Variants in TTC39B observed in about 807,000 individuals in gnomAD.
The protein encoded by TTC39B is tetratricopeptide repeat domain 39B.
TTC39B carries 92 observed loss-of-function variants against 96.6 expected under a neutral mutation model. The observed-to-expected ratio is 0.95, with a 90% confidence interval of 0.80 to 1.13. The LOEUF (loss-of-function observed/expected upper bound fraction) is 1.13. Ranked by LOEUF, TTC39B falls within the 50% of genes most tolerant of loss-of-function variation. The probability of loss-of-function intolerance (pLI) is 0.00; values close to 1 mark genes in which losing one functional copy is unlikely to be tolerated. For synonymous variants in TTC39B, 367 were observed against 299.4 expected, an observed-to-expected ratio of 1.23 and a Z score of -2.33; for missense variants, 955 against 809.3, an observed-to-expected ratio of 1.18 and a Z score of -2.18.
intron 1 of TTC39B, among the ~76,000 whole-genome samples, chr9:15,271,836 T>C (rs189323797): frequency 5.6e-4 from 86 of 152,360 alleles, no homozygotes; most frequent in African/African-American, 1.9e-3. Flanking sequence ...GGTTTCCTAA[T>C]TGGTGGATGA....
intron 2 of TTC39B, among the ~76,000 whole-genome samples, chr9:15,237,188 G>A (rs552989470): frequency 8.5e-5 from 13 of 152,156 alleles, no homozygotes; most frequent in Non-Finnish European, 1.8e-4. Context: ...AGTGGTGCAT[G>A]CCTGTAGCCC....
intron 2 of TTC39B, among the ~76,000 whole-genome samples, chr9:15,231,717 T>G (rs775884763): frequency 2.0e-5 from 3 of 152,218 alleles, no homozygotes; most frequent in Non-Finnish European, 4.4e-5. Context: ...ACACAATATG[T>G]TATGTTCCTG....
chr9:15,299,329 C>T (rs1014486797), intron 1 of TTC39B, among the ~76,000 whole-genome samples: 13 of 152,148 alleles, frequency 8.5e-5, no homozygotes, highest in Non-Finnish European at 1.9e-4. Flanking sequence ...CAGATCACAA[C>T]AAAAAGCATT....
intron 1 of TTC39B, among the ~76,000 whole-genome samples, chr9:15,303,324 CTG>C (rs1308018345): frequency 3.3e-5 from 5 of 151,766 alleles, no homozygotes; most frequent in Middle Eastern, 3.2e-3. Flanking sequence ...ACATTCAAAA[CTG>C]TTATTTTCCA....
intron 2 of TTC39B, among the ~76,000 whole-genome samples, chr9:15,244,366 C>T (rs552216273): frequency 3.3e-5 from 5 of 152,348 alleles, no homozygotes; most frequent in South Asian, 4.1e-4. Context: ...GTCCTAGGTA[C>T]GCCAGTCACT....
At chr9:15,270,407 A>G (rs953541974) in intron 1 of TTC39B, among the ~76,000 whole-genome samples, 2 of 150,120 alleles carry the variant, frequency 1.3e-5, no homozygotes, top group Non-Finnish European at 2.9e-5. Flanking sequence ...CTCCCTCTGC[A>G]CTTACCAACA....
chr9:15,236,430 A>G (rs1045836480), intron 2 of TTC39B, among the ~76,000 whole-genome samples: 1 of 152,234 alleles, frequency 6.6e-6, no homozygotes, highest in Admixed American at 6.5e-5. Flanking sequence ...CAGAAAATCA[A>G]CAAAGAAACT....
Position 15,306,427 on chromosome 9 carries a change from GCCA to G in TTC39B, c.240+654_240+656del, listed in dbSNP as rs556247523. On this transcript the variant is annotated intron_variant, in intron 1 of 19. Coordinates refer to ENST00000512701, the Ensembl canonical transcript of TTC39B. The surrounding 1 kb of genome is among the most constrained non-coding windows in gnomAD (Gnocchi z 5.1). ...CGGTTCTCAAAGTGGTTTCCCTCCG[GCCA>G]CCACCGACTCTGAGGACCTGCTAGG... Among the ~76,000 whole-genome samples, 342 of 152,258 alleles carry G rather than the reference GCCA, an allele frequency of 2.2e-3. 1 individual carries two copies. Among genetic ancestry groups the G allele is most frequent in the African/African-American group, 7.7e-3 (320 of 41,564 alleles).
intron 16 of TTC39B, 39 bp from the exon 17 acceptor site, chr9:15,182,454 G>C: frequency 1.4e-6 from 2 of 1,425,026 alleles, no homozygotes; most frequent in Middle Eastern, 2.0e-4. Flanking sequence ...AGTTATATGA[G>C]GTTATTCAAT....
chr9:15,240,090 C>T (rs1871104), intron 2 of TTC39B, among the ~76,000 whole-genome samples: 3,233 of 152,100 alleles, frequency 0.021, 120 homozygotes, highest in African/African-American at 0.073. Context: ...TTCTCATGGC[C>T]GATGATCAGA....
At chr9:15,206,101 C>G (rs945293111) in intron 6 of TTC39B, among the ~76,000 whole-genome samples, 20 of 152,110 alleles carry the variant, frequency 1.3e-4, no homozygotes, top group African/African-American at 3.6e-4. Context: ...GACAACAAGG[C>G]AGACAGAAAA....
Position 15,199,856 on chromosome 9 carries a change from C to A in TTC39B, c.824+5G>T. 7.3e-7 allele frequency: 1 copy of A among 1,362,314 alleles called. No individual in the cohort carries two copies. 84.4% of individuals were successfully genotyped at this position (1,362,314 alleles called of 1,614,324 possible). A position where few individuals can be genotyped will look rare whatever the true frequency, so the allele number is the denominator to read the frequency against. ...TTACAAACCACATCTTACTTTTTAA[C>A]TTACTTATATATTTGGTAACTTGTT... is the stretch of plus-strand genomic sequence containing the variant. On this transcript the variant is annotated splice_donor_5th_base_variant and intron_variant, in intron 8 of 19. Transcript: ENST00000512701.
chr9:15,170,712 A>G (rs1053175960), exon 20 of TTC39B: 1 of 152,166 alleles, frequency 6.6e-6, no homozygotes, highest in Non-Finnish European at 1.5e-5. Flanking sequence ...ATTCTTCAAA[A>G]TGGAAATAGA....
intron 6 of TTC39B, among the ~76,000 whole-genome samples, chr9:15,205,051 A>T (rs1181652593): frequency 6.6e-6 from 1 of 152,228 alleles, no homozygotes; most frequent in Non-Finnish European, 1.5e-5. Flanking sequence ...AGCTGCTAAA[A>T]AGGCTCTGCC....
intron 15 of TTC39B, among the ~76,000 whole-genome samples, chr9:15,185,972 C>G (rs1818503324): frequency 6.6e-6 from 1 of 152,238 alleles, no homozygotes; most frequent in Non-Finnish European, 1.5e-5. Context: ...AGGATGTGTA[C>G]CATGTTTAGA....
chr9:15,276,733 C>T (rs1823558091), intron 1 of TTC39B, among the ~76,000 whole-genome samples: 1 of 152,228 alleles, frequency 6.6e-6, no homozygotes, highest in African/African-American at 2.4e-5. Flanking sequence ...CCTGGCTCCA[C>T]CTCTGACCCT....
At chr9:15,258,395 A>G (rs1233605461) in intron 2 of TTC39B, among the ~76,000 whole-genome samples, 1 of 152,188 alleles carries the variant, frequency 6.6e-6, no homozygotes, top group Non-Finnish European at 1.5e-5. Flanking sequence ...AGAAAAGGCA[A>G]AGTTTTCAGA....
chr9:15,268,358 T>C (rs912240377), intron 1 of TTC39B, among the ~76,000 whole-genome samples: 7 of 152,152 alleles, frequency 4.6e-5, no homozygotes, highest in African/African-American at 7.2e-5. Flanking sequence ...TCATTTCACA[T>C]ATTGCACCAC....
chr9:15,282,977 T>C (rs2131586351), intron 1 of TTC39B, among the ~76,000 whole-genome samples: 1 of 152,304 alleles, frequency 6.6e-6, no homozygotes, highest in East Asian at 1.9e-4. Context: ...CACTGTAACT[T>C]TTCTTCACAC....
Sources: gnomAD v4.1 joint callset for allele counts (sites outside exome capture counted in the v4.1 genomes callset) on GRCh38, gnomAD v4.1.1 for gene constraint, Gnocchi (gnomAD v3.1) non-coding constraint, MANE v1.5 for transcripts, NCBI Gene and HGNC (gene_info 2026-07-23, HGNC 2026-07-21) for gene names.